NUBPL: variants seen among roughly 807,000 people sequenced by gnomAD.
NUBPL encodes iron-sulfur cluster transfer protein NUBPL.
A neutral mutation model predicts 45.7 loss-of-function variants in NUBPL; 31 were observed. The ratio of observed to expected loss-of-function variants is 0.68; its 90% CI spans 0.51 to 0.92. NUBPL has a LOEUF of 0.92. NUBPL is among the 40% of genes least tolerant of loss of function. The pLI, the probability that NUBPL is intolerant of heterozygous loss-of-function variation, is 0.00. For synonymous variants in NUBPL, 144 were observed against 140.9 expected (o/e 1.02, Z -0.15); for missense variants, 401 against 398.7 (o/e 1.01, Z -0.05).
At chr14:31,741,527 A>G (rs1028006859) in intron 6 of NUBPL, among the ~76,000 whole-genome samples, 2 of 152,078 alleles carry the variant, frequency 1.3e-5, no homozygotes, top group African/African-American at 4.8e-5. Context: ...GCATATTTCA[A>G]AATAGCTACT....
intron 4 of NUBPL, chr14:31,654,008 T>C (rs2036078607): frequency 2.3e-6 from 1 of 427,582 alleles, no homozygotes; most frequent in Non-Finnish European, 4.8e-6. Context: ...GGGGAAGATA[T>C]TATGTCTGTT....
chr14:31,759,952 T>C (rs540700241), intron 6 of NUBPL, among the ~76,000 whole-genome samples: 2 of 151,582 alleles, frequency 1.3e-5, no homozygotes, highest in South Asian at 4.2e-4. Context: ...TTGTATTGAA[T>C]GCATTTTGAC....
intron 6 of NUBPL, among the ~76,000 whole-genome samples, chr14:31,767,296 G>T (rs373583021): frequency 6.6e-6 from 1 of 152,060 alleles, no homozygotes; most frequent in Non-Finnish European, 1.5e-5. Flanking sequence ...TCTGCCTCCC[G>T]GGTTCAAGCC....
chr14:31,724,664 T>G (rs919842974), intron 6 of NUBPL, among the ~76,000 whole-genome samples: 10 of 152,242 alleles, frequency 6.6e-5, no homozygotes, highest in Non-Finnish European at 5.9e-5. Context: ...GCTCACTAAT[T>G]GACAATTTAT....
intron 4 of NUBPL, among the ~76,000 whole-genome samples, chr14:31,630,618 G>A (rs1016813236): frequency 7.9e-5 from 12 of 152,010 alleles, no homozygotes; most frequent in South Asian, 4.2e-4. Context: ...AGTTTCTGTC[G>A]TATGCATTTA....
intron 6 of NUBPL, among the ~76,000 whole-genome samples, chr14:31,677,799 A>G (rs1469794799): frequency 6.6e-6 from 1 of 152,152 alleles, no homozygotes; most frequent in Non-Finnish European, 1.5e-5. Context: ...TGTTACCACT[A>G]TCCGGCTACT....
chr14:31,756,698 C>T lies in NUBPL; in HGVS notation c.514-31082C>T, dbSNP rs569975955. Reference sequence around the variant, plus strand: ...CTAATTGAATACCCTTTATTTCCTTCTCCTGCCTAATTGCCCTGGCCAGAA... The same window carrying T: ...CTAATTGAATACCCTTTATTTCCTTTTCCTGCCTAATTGCCCTGGCCAGAA... On this transcript the variant is annotated intron_variant, in intron 6 of 10. Coordinates refer to ENST00000281081, the MANE Select transcript of NUBPL (RefSeq NM_025152.3). Among the ~76,000 whole-genome samples the T allele has an allele frequency of 4.7e-4, 71 of 149,916 alleles. 2 individuals carry two copies. In the South Asian group the frequency reaches 0.015, roughly 32 times the overall value.
At chr14:31,687,567 C>T (rs1267272375) in intron 6 of NUBPL, among the ~76,000 whole-genome samples, 1 of 152,222 alleles carries the variant, frequency 6.6e-6, no homozygotes, top group African/African-American at 2.4e-5. Flanking sequence ...ATTTTGTTAG[C>T]TACCTCCTGT....
At chr14:31,831,059 T>TATTTA (rs61464888) in intron 8 of NUBPL, among the ~76,000 whole-genome samples, 1 of 151,364 alleles carries the variant, frequency 6.6e-6, no homozygotes, top group Admixed American at 6.6e-5. Flanking sequence ...TTTATTTATT[T>TATTTA]TTTTGAGACA....
chr14:31,850,038 T>C, intron 9 of NUBPL, 81 bp from the exon 10 acceptor site: 1 of 1,045,660 alleles, frequency 9.6e-7, no homozygotes, highest in Non-Finnish European at 1.5e-6. Flanking sequence ...ATTTTGTTTC[T>C]TTCCATAGTT....
At chr14:31,655,117 C>T (rs2036110415) in intron 4 of NUBPL, among the ~76,000 whole-genome samples, 1 of 152,180 alleles carries the variant, frequency 6.6e-6, no homozygotes, top group Non-Finnish European at 1.5e-5. Flanking sequence ...AACTCCTGTT[C>T]ATTTTGATAC....
intron 8 of NUBPL, among the ~76,000 whole-genome samples, chr14:31,830,718 A>G (rs1232896811): frequency 6.6e-6 from 1 of 152,222 alleles, no homozygotes; most frequent in Non-Finnish European, 1.5e-5. Context: ...AACATGCTTT[A>G]AACATTCTTA....
intron 7 of NUBPL, among the ~76,000 whole-genome samples, chr14:31,799,976 T>G (rs181507370): frequency 6.6e-6 from 1 of 152,342 alleles, no homozygotes; most frequent in Admixed American, 6.5e-5. Context: ...ATCAACTAAG[T>G]GTGTGTAATA....
At chr14:31,669,615 C>T (rs934453173) in intron 4 of NUBPL, among the ~76,000 whole-genome samples, 3 of 151,954 alleles carry the variant, frequency 2.0e-5, no homozygotes, top group East Asian at 1.9e-4. Context: ...CTTCCTCCTC[C>T]GATTTTCCCG....
chr14:31,590,315 TCTCA>T (rs2034109073), intron 3 of NUBPL, among the ~76,000 whole-genome samples: 1 of 152,060 alleles, frequency 6.6e-6, no homozygotes, highest in Non-Finnish European at 1.5e-5. Flanking sequence ...ATTTTTCCTC[TCTCA>T]TTTTTTTTTT....
intron 4 of NUBPL, among the ~76,000 whole-genome samples, chr14:31,631,645 A>C (rs1304645616): frequency 6.6e-6 from 1 of 152,154 alleles, no homozygotes; most frequent in Admixed American, 6.5e-5. Flanking sequence ...CAGTATAGCC[A>C]ATGATATAAG....
At chr14:31,621,243 A>G (rs1256327291) in intron 4 of NUBPL, among the ~76,000 whole-genome samples, 2 of 152,306 alleles carry the variant, frequency 1.3e-5, no homozygotes, top group African/African-American at 4.8e-5. Flanking sequence ...TTGCCGAGCC[A>G]GACCACTTGG....
rs1035907212 is a variant in NUBPL at position 31,859,261 on chromosome 14, C to T, written c.*81C>T. 9.9e-7 allele frequency: 1 copy of T among 1,007,116 alleles called. No individual in the cohort carries two copies. The highest frequency in any genetic ancestry group is 1.6e-5 in the African/African-American group (1 of 62,724). 62.4% of individuals were successfully genotyped at this position (1,007,116 alleles called of 1,614,324 possible). On this transcript the variant is annotated 3_prime_UTR_variant, in exon 11 of 11. Coordinates refer to ENST00000281081, the MANE Select transcript of NUBPL (RefSeq NM_025152.3). ...ATCAGCAATGTGGTGATGGAACCTA[C>T]AGAAATAATAGAAATCATAACTGTT... is the stretch of plus-strand genomic sequence containing the variant.
intron 6 of NUBPL, among the ~76,000 whole-genome samples, chr14:31,763,357 ACTAT>A (rs1217091397): frequency 6.6e-6 from 1 of 152,202 alleles, no homozygotes; most frequent in Non-Finnish European, 1.5e-5. Context: ...GAGAGAGTTC[ACTAT>A]CTAATAAGAA....
Sources: allele counts gnomAD v4.1 joint callset (sites outside exome capture counted in the v4.1 genomes callset), GRCh38; gene constraint gnomAD v4.1.1; transcripts MANE v1.5; gene names NCBI Gene and HGNC (gene_info 2026-07-23, HGNC 2026-07-21).